ELP4: variants seen among roughly 807,000 people sequenced by gnomAD.
The protein encoded by ELP4 is elongator complex protein 4.
A neutral mutation model predicts 48.9 loss-of-function variants in ELP4; 51 were observed. The ratio of observed to expected loss-of-function variants is 1.04; its 90% CI spans 0.83 to 1.32. ELP4 has a LOEUF of 1.32. Ranked by LOEUF, ELP4 falls within the 40% of genes most tolerant of loss-of-function variation. The probability of loss-of-function intolerance (pLI) is 0.00; values close to 1 mark genes in which losing one functional copy is unlikely to be tolerated. For synonymous variants in ELP4, 210 were observed against 189.2 expected, an observed-to-expected ratio of 1.11 and a Z score of -0.90; for missense variants, 519 against 514.6, an observed-to-expected ratio of 1.01 and a Z score of -0.08.
At chr11:31,518,520 C>CA (rs1490579227) in intron 1 of ELP4, among the ~76,000 whole-genome samples, 5 of 108,750 alleles carry the variant, frequency 4.6e-5, no homozygotes, top group Non-Finnish European at 9.3e-5. Context: ...TTTTCTGAAA[C>CA]AGAGTCTCAC....
intron 3 of ELP4, among the ~76,000 whole-genome samples, chr11:31,557,677 A>G (rs188092123): frequency 6.6e-6 from 1 of 152,194 alleles, no homozygotes; most frequent in African/African-American, 2.4e-5. Context: ...AAGTTAAAGT[A>G]ATAACCCTTA....
chr11:31,570,151 A>C (rs1592126155), intron 3 of ELP4, among the ~76,000 whole-genome samples: 1 of 152,232 alleles, frequency 6.6e-6, no homozygotes, highest in Non-Finnish European at 1.5e-5. Flanking sequence ...AAAATGTAAT[A>C]CATATATACC....
intron 9 of ELP4, among the ~76,000 whole-genome samples, chr11:31,721,268 G>A (rs7950909): frequency 0.31 from 46,983 of 152,044 alleles, 8,018 homozygotes; most frequent in African/African-American, 0.46. Context: ...ACATGTCAGC[G>A]TGTGTAAATC....
chr11:31,759,325 TA>T (rs1947897451), intron 9 of ELP4, among the ~76,000 whole-genome samples: 2 of 152,226 alleles, frequency 1.3e-5, no homozygotes, highest in Admixed American at 1.3e-4. Flanking sequence ...CTTAAATGCC[TA>T]TGTATAATTC....
chr11:31,769,297 G>T (rs891673139), intron 9 of ELP4, among the ~76,000 whole-genome samples: 4 of 152,074 alleles, frequency 2.6e-5, no homozygotes, highest in African/African-American at 9.7e-5. Flanking sequence ...TGCAAGCAAA[G>T]ACATTGGCTA....
At chr11:31,672,946 G>C (rs1450868995) in intron 9 of ELP4, among the ~76,000 whole-genome samples, 1 of 152,128 alleles carries the variant, frequency 6.6e-6, no homozygotes, top group African/African-American at 2.4e-5. Flanking sequence ...TACATGGAAA[G>C]GTAAAACTTG....
chr11:31,750,035 T>G (rs1481720280), intron 9 of ELP4, among the ~76,000 whole-genome samples: 8 of 152,106 alleles, frequency 5.3e-5, no homozygotes, highest in Non-Finnish European at 1.2e-4. Context: ...TTTTTTTTTT[T>G]TGTATTTTTT....
At chr11:31,724,102 G>C (rs1455907057) in intron 9 of ELP4, among the ~76,000 whole-genome samples, 2 of 152,164 alleles carry the variant, frequency 1.3e-5, no homozygotes, top group Non-Finnish European at 2.9e-5. Context: ...CCGAGGTTAT[G>C]TAGCTAATTA....
chr11:31,632,448 A>AT, intron 7 of ELP4, 43 bp downstream of exon 7: 8 of 1,457,904 alleles, frequency 5.5e-6, no homozygotes, highest in African/African-American at 1.4e-5. Flanking sequence ...TCATAGTAAT[A>AT]TAGTATGACA....
chr11:31,648,409 G>A (rs6484522), intron 8 of ELP4: 140,461 of 151,034 alleles, frequency 0.93, 65,894 homozygotes, highest in South Asian at 1. Context: ...TCAGACTTTT[G>A]CTTATTTTTT....
At chr11:31,679,440 T>A (rs1946010184) in intron 9 of ELP4, among the ~76,000 whole-genome samples, 1 of 152,198 alleles carries the variant, frequency 6.6e-6, no homozygotes, top group Non-Finnish European at 1.5e-5. Flanking sequence ...AATCAAGATA[T>A]CAGCAGGGTT....
At chr11:31,606,420 G>T (rs1957876418) in intron 5 of ELP4, among the ~76,000 whole-genome samples, 1 of 151,846 alleles carries the variant, frequency 6.6e-6, no homozygotes, top group African/African-American at 2.4e-5. Flanking sequence ...TCATATGTGA[G>T]GATATAATAT....
intron 3 of ELP4, among the ~76,000 whole-genome samples, chr11:31,563,027 T>G (rs1957046780): frequency 6.6e-6 from 1 of 152,128 alleles, no homozygotes; most frequent in Admixed American, 6.6e-5. Flanking sequence ...TTTCCAACTT[T>G]CAGAAAATAA....
chr11:31,682,128 C>A (rs1017645069), intron 9 of ELP4: 3 of 1,184,794 alleles, frequency 2.5e-6, no homozygotes, highest in Admixed American at 3.5e-5. Context: ...GCGTCCCATC[C>A]AACTATGCAA....
chr11:31,760,644 A>G (rs1947926133), intron 9 of ELP4, among the ~76,000 whole-genome samples: 1 of 152,206 alleles, frequency 6.6e-6, no homozygotes, highest in African/African-American at 2.4e-5. Context: ...CTTCATGTCA[A>G]TTTAATTTAG....
intron 3 of ELP4, among the ~76,000 whole-genome samples, chr11:31,556,057 G>A (rs141372737): frequency 1.7e-3 from 261 of 152,002 alleles, no homozygotes; most frequent in Admixed American, 3.3e-3. Context: ...TTAAAGCTGT[G>A]TATAACTAGA....
intron 9 of ELP4, among the ~76,000 whole-genome samples, chr11:31,717,692 T>A (rs1383622245): frequency 6.6e-6 from 1 of 150,902 alleles, no homozygotes; most frequent in East Asian, 2.0e-4. Flanking sequence ...AGGCGGTGGT[T>A]GCAATGAGCC....
chr11:31,510,559 A>G, intron 1 of ELP4: 1 of 397,802 alleles, frequency 2.5e-6, no homozygotes, highest in East Asian at 3.6e-5. Context: ...CATAATCCTT[A>G]TAAAGTATTT....
At chr11:31,658,311 A>G (rs1945480160) in intron 9 of ELP4, among the ~76,000 whole-genome samples, 1 of 151,870 alleles carries the variant, frequency 6.6e-6, no homozygotes, top group Admixed American at 6.6e-5. Flanking sequence ...ACATTATAAA[A>G]TTATGATTGG....
Sources: gnomAD v4.1 joint callset for allele counts (sites outside exome capture counted in the v4.1 genomes callset) on GRCh38, gnomAD v4.1.1 for gene constraint, MANE v1.5 for transcripts, NCBI Gene and HGNC (gene_info 2026-07-23, HGNC 2026-07-21) for gene names.